C4orf36: variants seen among roughly 807,000 people sequenced by gnomAD.
The protein encoded by C4orf36 is chromosome 4 open reading frame 36, also known as uncharacterized protein C4orf36.
C4orf36 carries 11 observed loss-of-function variants against 12.2 expected under a neutral mutation model. The ratio of observed to expected loss-of-function variants is 0.90; its 90% CI spans 0.57 to 1.49. C4orf36 has a LOEUF of 1.49. Among genes scored for constraint, C4orf36 ranks in the 40% most tolerant of loss-of-function variants. C4orf36 has a pLI of 0.00. For missense variants in C4orf36, 137 were observed against 133.9 expected, an observed-to-expected ratio of 1.02 and a Z score of -0.11; for synonymous variants, 54 against 51.3, an observed-to-expected ratio of 1.05 and a Z score of -0.22.
the C4orf36 span, among the ~76,000 whole-genome samples, chr4:86,915,273 TCTC>T: frequency 6.6e-6 from 1 of 152,158 alleles, no homozygotes; most frequent in East Asian, 1.9e-4. Flanking sequence ...GATGACTTCC[TCTC>T]CTTTCTTGGG....
chr4:86,902,071 G>A, the C4orf36 span, among the ~76,000 whole-genome samples: 1 of 152,228 alleles, frequency 6.6e-6, no homozygotes, highest in East Asian at 1.9e-4. Flanking sequence ...CTGGAGCAAT[G>A]TGTCCACAAG....
chr4:86,891,600 T>C lies in C4orf36; in HGVS notation c.-73-7A>G. 2 of 1,604,294 alleles carry C rather than the reference T, an allele frequency of 1.2e-6. No homozygotes were observed. Among genetic ancestry groups the C allele is most frequent in the Middle Eastern group, 1.7e-4 (1 of 6,018 alleles). On this transcript the variant is annotated splice_region_variant and splice_polypyrimidine_tract_variant and intron_variant, in intron 1 of 4. Coordinates refer to ENST00000295898, the MANE Select transcript of C4orf36 (RefSeq NM_144645.4). Reference sequence around the variant, plus strand: ...ATAACTCTGTTCACTTTACCTGAAATGATGGCAACGCACCTAATTAATGCC... The same window carrying C: ...ATAACTCTGTTCACTTTACCTGAAACGATGGCAACGCACCTAATTAATGCC...
At chr4:86,887,580 G>A (rs373300622) in intron 4 of C4orf36, 178 bp downstream of exon 4, 70 of 585,562 alleles carry the variant, frequency 1.2e-4, no homozygotes, top group African/African-American at 1.2e-3. Context: ...AGGAACAAGA[G>A]TATGTCAGGG....
chr4:86,925,145 G>C, the C4orf36 span: 5 of 152,100 alleles, frequency 3.3e-5, no homozygotes, highest in Admixed American at 2.6e-4. Flanking sequence ...CTCCCACCAG[G>C]CCCCACCTCC....
chr4:86,914,066 G>A, the C4orf36 span: 6 of 1,610,672 alleles, frequency 3.7e-6, no homozygotes, highest in East Asian at 2.2e-5. Flanking sequence ...GGACTGTGGA[G>A]CGAATTGGCT....
chr4:86,907,341 A>C, the C4orf36 span, among the ~76,000 whole-genome samples: 1 of 152,142 alleles, frequency 6.6e-6, no homozygotes, highest in Non-Finnish European at 1.5e-5. Context: ...GGAATAATAA[A>C]ATGTTCTCTT....
chr4:86,889,719 C>T (rs1296565175), intron 2 of C4orf36, among the ~76,000 whole-genome samples: 1 of 151,964 alleles, frequency 6.6e-6, no homozygotes, highest in Non-Finnish European at 1.5e-5. Context: ...AGGCCAAGAC[C>T]AGCCCAGGTG....
upstream of C4orf36, among the ~76,000 whole-genome samples, chr4:86,893,867 T>C (rs1747523272): frequency 7.0e-5 from 1 of 14,302 alleles, no homozygotes; most frequent in African/African-American, 1.9e-4. Context: ...CCTGAATTTT[T>C]ATTTATTTAT....
chr4:86,882,917 G>C (rs1162187727), intron 4 of C4orf36, among the ~76,000 whole-genome samples: 1 of 152,038 alleles, frequency 6.6e-6, no homozygotes, highest in Non-Finnish European at 1.5e-5. Flanking sequence ...TTCCCTCTTC[G>C]AAGAAAGAGC....
chr4:86,918,829 G>C, the C4orf36 span, among the ~76,000 whole-genome samples: 46 of 150,866 alleles, frequency 3.0e-4, no homozygotes, highest in African/African-American at 1.1e-3. Flanking sequence ...GTGTGTGTGT[G>C]TGTGTGCACG....
chr4:86,915,832 G>T, the C4orf36 span, among the ~76,000 whole-genome samples: 1 of 152,260 alleles, frequency 6.6e-6, no homozygotes, highest in Admixed American at 6.5e-5. Flanking sequence ...TTTGGACTCA[G>T]ATATACAAGG....
chr4:86,893,870 TTA>T (rs1747523924), upstream of C4orf36, among the ~76,000 whole-genome samples: 1 of 84,204 alleles, frequency 1.2e-5, no homozygotes, highest in African/African-American at 4.6e-5. Context: ...GAATTTTTAT[TTA>T]TTTATTTATT....
At chr4:86,907,594 A>C in the C4orf36 span, among the ~76,000 whole-genome samples, 2 of 152,152 alleles carry the variant, frequency 1.3e-5, no homozygotes, top group Admixed American at 6.5e-5. Context: ...GGGTATTTTC[A>C]TGAGGAAACA....
upstream of C4orf36, among the ~76,000 whole-genome samples, chr4:86,894,778 C>T (rs1457139776): frequency 1.3e-5 from 2 of 152,158 alleles, no homozygotes; most frequent in Non-Finnish European, 2.9e-5. Context: ...GAGAGACTGG[C>T]TGCCATTTGA....
chr4:86,932,053 A>G, the C4orf36 span, among the ~76,000 whole-genome samples: 1 of 116,926 alleles, frequency 8.6e-6, no homozygotes, highest in Admixed American at 8.9e-5. Flanking sequence ...AAAAAAAAAA[A>G]AAAAAGATTT....
At chr4:86,876,638 T>C in intron 4 of C4orf36, 195 bp from the exon 5 acceptor site, 1 of 1,613,528 alleles carries the variant, frequency 6.2e-7, no homozygotes, top group Non-Finnish European at 8.5e-7. Flanking sequence ...AGAAAATTTC[T>C]GGATGGTCAT....
At chr4:86,928,867 CTCTTT>C in the C4orf36 span, among the ~76,000 whole-genome samples, 116 of 152,216 alleles carry the variant, frequency 7.6e-4, 1 homozygote, top group East Asian at 3.5e-3. Context: ...CCCCAACTTC[CTCTTT>C]TCTTTTCTTC....
At chr4:86,887,455 C>A in intron 4 of C4orf36, 1 of 254,066 alleles carries the variant, frequency 3.9e-6, no homozygotes. Context: ...AACAATGCAG[C>A]TGAAGAAATT....
chr4:86,888,052 A>T (rs1265599913), intron 3 of C4orf36, 69 bp downstream of exon 3: 1 of 1,567,630 alleles, frequency 6.4e-7, no homozygotes, highest in Non-Finnish European at 8.7e-7. Flanking sequence ...CACAGATTTA[A>T]ACATTTCTCT....
Sources: gnomAD v4.1 joint callset for allele counts (sites outside exome capture counted in the v4.1 genomes callset) on GRCh38, gnomAD v4.1.1 for gene constraint, MANE v1.5 for transcripts, NCBI Gene and HGNC (gene_info 2026-07-23, HGNC 2026-07-21) for gene names.